The following NBEA variants were observed in gnomAD, a reference collection of about 807,000 sequenced individuals.
NBEA encodes the protein lysosomal-trafficking regulator 2.
A neutral mutation model predicts 343.4 loss-of-function variants in NBEA; 44 were observed. The ratio of observed to expected loss-of-function variants is 0.13; its 90% CI spans 0.10 to 0.16. The LOEUF is 0.16. Among genes scored for constraint, NBEA ranks in the 10% least tolerant of loss-of-function variants. The pLI, the probability that NBEA is intolerant of heterozygous loss-of-function variation, is 1.00. For missense variants in NBEA, 2,555 were observed against 3,631.3 expected (o/e 0.70, Z 7.62); for synonymous variants, 1,175 against 1,238.7 (o/e 0.95, Z 1.08).
At position 35,104,771 on chromosome 13, in the gene NBEA, T is replaced by G. The variant is rs537755561; in HGVS notation, c.1681-4519T>G. ...AATTTTACTGTTCCACGAAAAAATTTTTAGGTGTTTTTGTTCTGTTTTGCC... is the reference window on the plus strand; with the variant it reads ...AATTTTACTGTTCCACGAAAAAATTGTTAGGTGTTTTTGTTCTGTTTTGCC... On this transcript the variant is annotated intron_variant, in intron 11 of 58. Transcript: ENST00000379939. 2.0e-5 allele frequency among the ~76,000 whole-genome samples: 3 copies of G among 152,056 alleles called. No individual in the cohort carries two copies. In the South Asian group the frequency reaches 6.2e-4, roughly 32 times the overall value.
At chr13:35,388,258 G>T (rs935158117) in intron 38 of NBEA, among the ~76,000 whole-genome samples, 1 of 152,028 alleles carries the variant, frequency 6.6e-6, no homozygotes, top group Admixed American at 6.6e-5. Context: ...TATTACATTT[G>T]GCAAAAATAG....
chr13:35,391,443 AT>A (rs767542382), intron 38 of NBEA, among the ~76,000 whole-genome samples: 34 of 152,304 alleles, frequency 2.2e-4, no homozygotes, highest in Non-Finnish European at 3.4e-4. Context: ...TATTATAGAT[AT>A]AAAAGAAGTT....
chr13:35,480,090 C>T (rs1323825575), intron 41 of NBEA, among the ~76,000 whole-genome samples: 2 of 146,260 alleles, frequency 1.4e-5, no homozygotes, highest in African/African-American at 2.5e-5. Flanking sequence ...AAGGACATAG[C>T]ACACCATTAT....
chr13:35,601,567 G>A (rs1303400320), intron 47 of NBEA, among the ~76,000 whole-genome samples: 2 of 152,044 alleles, frequency 1.3e-5, no homozygotes, highest in East Asian at 1.9e-4. Flanking sequence ...TTCAAGACCA[G>A]CCTGGCCAAT....
chr13:35,283,543 T>C (rs2035202999), intron 34 of NBEA, among the ~76,000 whole-genome samples: 1 of 152,170 alleles, frequency 6.6e-6, no homozygotes, highest in Non-Finnish European at 1.5e-5. Flanking sequence ...AAATATCTCA[T>C]GTAACACAGT....
In NBEA at chr13:35,242,672, A is replaced by G. The variant is rs182653700; in HGVS notation, c.5776+10053A>G. ...AATTGTACATGTACAATGAGCCTCT[A>G]TAAGTTATCACCAGGTTTCTCAGTA... On this transcript the variant is annotated intron_variant, in intron 34 of 58. Coordinates refer to ENST00000379939, the MANE Select transcript of NBEA (RefSeq NM_001385012.1). Among the ~76,000 whole-genome samples the G allele has an allele frequency of 6.8e-4, 103 of 152,026 alleles. No individual in the cohort carries two copies. In the East Asian group the frequency reaches 0.013, roughly 19 times the overall value.
chr13:35,236,413 TTTG>T (rs2075233889), intron 34 of NBEA, among the ~76,000 whole-genome samples: 1 of 6,626 alleles, frequency 1.5e-4, no homozygotes, highest in Non-Finnish European at 4.6e-4. Context: ...TCCTTTTTGT[TTTG>T]TTTTGTTTTG....
intron 38 of NBEA, among the ~76,000 whole-genome samples, chr13:35,358,095 C>T (rs1310154581): frequency 6.6e-6 from 1 of 152,062 alleles, no homozygotes; most frequent in African/African-American, 2.4e-5. Context: ...GATCTCGGCT[C>T]ACTGCAACCT....
At chr13:35,247,591 C>T (rs1481660329) in intron 34 of NBEA, among the ~76,000 whole-genome samples, 2 of 152,132 alleles carry the variant, frequency 1.3e-5, no homozygotes, top group African/African-American at 4.8e-5. Flanking sequence ...GGCAGATGAT[C>T]CCCTTTTCCC....
At chr13:35,482,727 T>C (rs2076167616) in intron 41 of NBEA, among the ~76,000 whole-genome samples, 1 of 151,946 alleles carries the variant, frequency 6.6e-6, no homozygotes, top group South Asian at 2.1e-4. Flanking sequence ...TTTATTTTTT[T>C]AAGTTAGATA....
chr13:35,344,521 T>C (rs1408423095), intron 36 of NBEA, among the ~76,000 whole-genome samples: 1 of 151,892 alleles, frequency 6.6e-6, no homozygotes, highest in African/African-American at 2.4e-5. Context: ...TCTTCTAAGA[T>C]TGATTAAGAA....
rs78854745 is a variant in NBEA at position 35,220,030 on chromosome 13, C to T, written c.5648+8851C>T. Among the ~76,000 whole-genome samples the T allele has an allele frequency of 6.4e-3, 970 of 152,240 alleles. 11 individuals carry two copies. The highest frequency in any genetic ancestry group is 0.022 in the African/African-American group (929 of 41,550). On this transcript the variant is annotated intron_variant, in intron 33 of 58. Transcript: ENST00000379939. ...ACGATGCTAGATCATGCTGATGCTGCTGGTCCAGAATACACACTTTGAGAA... is the reference window on the plus strand; with the variant it reads ...ACGATGCTAGATCATGCTGATGCTGTTGGTCCAGAATACACACTTTGAGAA...
At chr13:35,322,296 G>T (rs753518270) in intron 36 of NBEA, among the ~76,000 whole-genome samples, 1 of 152,130 alleles carries the variant, frequency 6.6e-6, no homozygotes, top group South Asian at 2.1e-4. Flanking sequence ...TATCTGGGCC[G>T]GAGTCCACCG....
At chr13:35,228,431 G>T (rs1411399557) in intron 33 of NBEA, among the ~76,000 whole-genome samples, 2 of 151,052 alleles carry the variant, frequency 1.3e-5, no homozygotes, top group African/African-American at 2.4e-5. Context: ...TTGTTTTGTG[G>T]ATATATTGCG....
intron 1 of NBEA, among the ~76,000 whole-genome samples, chr13:34,948,365 G>C (rs1160855203): frequency 1.3e-5 from 2 of 152,166 alleles, no homozygotes; most frequent in Non-Finnish European, 2.9e-5. Context: ...GTGCTGGAAG[G>C]CTTTCTGATG....
At chr13:35,610,400 C>A (rs1176993915) in intron 48 of NBEA, among the ~76,000 whole-genome samples, 1 of 151,752 alleles carries the variant, frequency 6.6e-6, no homozygotes, top group Non-Finnish European at 1.5e-5. Context: ...CAGAGCAAGA[C>A]CCTCTCTCAA....
At chr13:35,260,752 A>C (rs906250206) in intron 34 of NBEA, among the ~76,000 whole-genome samples, 1 of 152,356 alleles carries the variant, frequency 6.6e-6, no homozygotes, top group African/African-American at 2.4e-5. Context: ...TAGAGCAAGA[A>C]ATTTCTAGAG....
At position 35,052,366 on chromosome 13, in the gene NBEA, G is replaced by A. The variant is rs1593594060; in HGVS notation, c.972+1971G>A. On this transcript the variant is annotated intron_variant, in intron 6 of 58. Coordinates refer to ENST00000379939, the MANE Select transcript of NBEA (RefSeq NM_001385012.1). ...TTGTGAAAATGGATATAAACCATTAGCATGTTACCTAATGGTAATATGTGC... is the reference window on the plus strand; with the variant it reads ...TTGTGAAAATGGATATAAACCATTAACATGTTACCTAATGGTAATATGTGC... Among the ~76,000 whole-genome samples the A allele has an allele frequency of 2.6e-5, 4 of 151,890 alleles. No homozygotes were observed. In the South Asian group the frequency reaches 6.2e-4, roughly 24 times the overall value.
At chr13:35,088,466 A>G (rs1273842965) in intron 10 of NBEA, among the ~76,000 whole-genome samples, 1 of 151,830 alleles carries the variant, frequency 6.6e-6, no homozygotes, top group African/African-American at 2.4e-5. Context: ...TTCTCAAACT[A>G]TATGGTCTGG....
Sources: allele counts gnomAD v4.1 joint callset (sites outside exome capture counted in the v4.1 genomes callset), GRCh38; gene constraint gnomAD v4.1.1; transcripts MANE v1.5; gene names NCBI Gene and HGNC (gene_info 2026-07-23, HGNC 2026-07-21).